Variants in MICU1 observed in about 807,000 individuals in gnomAD.
MICU1 encodes the protein calcium uptake protein 1, mitochondrial.
A neutral mutation model predicts 56.8 loss-of-function variants in MICU1; 45 were observed. The observed-to-expected ratio is 0.79, with a 90% confidence interval of 0.62 to 1.02. MICU1 has a LOEUF of 1.02. Ranked by LOEUF, MICU1 falls within the 50% of genes least tolerant of loss-of-function variation. The pLI is 0.00. For missense variants in MICU1, 504 were observed against 587.1 expected, an observed-to-expected ratio of 0.86 and a Z score of 1.46; for synonymous variants, 186 against 195.1, an observed-to-expected ratio of 0.95 and a Z score of 0.39.
chr10:72,479,847 C>A (rs1242262110), intron 6 of MICU1, among the ~76,000 whole-genome samples: 1 of 152,162 alleles, frequency 6.6e-6, no homozygotes, highest in African/African-American at 2.4e-5. Flanking sequence ...GTTTTTTAAA[C>A]TTCTGATTAT....
chr10:72,594,964 ACAT>A (rs2132535038), intron 1 of MICU1, among the ~76,000 whole-genome samples: 1 of 151,854 alleles, frequency 6.6e-6, no homozygotes, highest in East Asian at 1.9e-4. Flanking sequence ...AAATGAGAAA[ACAT>A]CAAAAAGAAA....
At chr10:72,573,307 CAAAAAAAAAAAAAA>C (rs58866778) in intron 1 of MICU1, among the ~76,000 whole-genome samples, 2 of 21,040 alleles carry the variant, frequency 9.5e-5, no homozygotes, top group Admixed American at 6.6e-4. Flanking sequence ...CCCATCACTA[CAAAAAAAAAAAAAA>C]AAAAAAAAAA....
chr10:72,612,780 G>T (rs1841884860), intron 1 of MICU1, among the ~76,000 whole-genome samples: 1 of 150,986 alleles, frequency 6.6e-6, no homozygotes, highest in African/African-American at 2.4e-5. Context: ...TAGCCTGGGT[G>T]ACAGAGTGAG....
Position 72,574,556 on chromosome 10 carries a change from A to T in MICU1, c.-1-7762T>A, listed in dbSNP as rs139898482. The stretch of plus-strand genomic sequence containing the variant: ...ATAAAATAAAAAATAAAGATGGGGA[A>T]ATAATGAGATAATAATGATAATAAT... On this transcript the variant is annotated intron_variant, in intron 1 of 11. Coordinates refer to ENST00000361114, the MANE Select transcript of MICU1 (RefSeq NM_001195518.2). Among the ~76,000 whole-genome samples, 565 of 152,272 alleles carry T rather than the reference A, an allele frequency of 3.7e-3. 3 individuals are homozygous for T. The highest frequency in any genetic ancestry group is 0.013 in the African/African-American group (534 of 41,568).
intron 10 of MICU1, among the ~76,000 whole-genome samples, chr10:72,401,684 C>T (rs1863460833): frequency 6.6e-6 from 1 of 152,044 alleles, no homozygotes; most frequent in Non-Finnish European, 1.5e-5. Context: ...AAAACATTTC[C>T]ATCACTTCAC....
chr10:72,609,875 A>T (rs1841794967), intron 1 of MICU1, among the ~76,000 whole-genome samples: 2 of 151,958 alleles, frequency 1.3e-5, no homozygotes, highest in South Asian at 4.2e-4. Flanking sequence ...CTCTACTAAA[A>T]ATACAAAAAA....
chr10:72,531,790 T>G (rs985194753), intron 5 of MICU1: 9 of 151,516 alleles, frequency 5.9e-5, no homozygotes, highest in African/African-American at 2.2e-4. Context: ...CAGTTACAAT[T>G]ATCAAGCGAA....
At chr10:72,540,535 G>A (rs1460320457) in intron 4 of MICU1, among the ~76,000 whole-genome samples, 2 of 152,062 alleles carry the variant, frequency 1.3e-5, no homozygotes, top group African/African-American at 4.8e-5. Context: ...AATTAGCTTG[G>A]TGTGACGGTA....
At chr10:72,441,145 C>T (rs1437366387) in intron 8 of MICU1, among the ~76,000 whole-genome samples, 1 of 152,080 alleles carries the variant, frequency 6.6e-6, no homozygotes, top group Non-Finnish European at 1.5e-5. Flanking sequence ...GACTTGGAAC[C>T]AACCCAAATG....
chr10:72,417,435 C>T (rs1027412349), intron 9 of MICU1, among the ~76,000 whole-genome samples: 2 of 133,906 alleles, frequency 1.5e-5, no homozygotes, highest in Non-Finnish European at 3.0e-5. Context: ...GCCTAGACAA[C>T]AGAGCAAGAC....
chr10:72,558,540 G>C (rs1371878270), intron 3 of MICU1, among the ~76,000 whole-genome samples: 1 of 152,142 alleles, frequency 6.6e-6, no homozygotes, highest in Non-Finnish European at 1.5e-5. Context: ...GACCATGAAA[G>C]GAGGGTAAAG....
At chr10:72,458,627 T>C (rs1564881782) in intron 8 of MICU1, among the ~76,000 whole-genome samples, 4 of 151,798 alleles carry the variant, frequency 2.6e-5, no homozygotes, top group African/African-American at 9.7e-5. Flanking sequence ...TGCCAGGAAG[T>C]ATAGGTCAAT....
intron 5 of MICU1, chr10:72,523,879 G>T (rs1464726542): frequency 6.6e-7 from 1 of 1,518,602 alleles, no homozygotes; most frequent in Non-Finnish European, 8.8e-7. Flanking sequence ...CAAATATTTA[G>T]TTGCTTTTCC....
intron 6 of MICU1, among the ~76,000 whole-genome samples, chr10:72,491,640 G>A (rs549711599): frequency 1.3e-5 from 2 of 152,074 alleles, no homozygotes; most frequent in South Asian, 2.1e-4. Flanking sequence ...CTTCAGGCCC[G>A]GAGTTCGAGA....
intron 8 of MICU1, among the ~76,000 whole-genome samples, chr10:72,427,888 T>G (rs998867701): frequency 2.0e-5 from 3 of 151,990 alleles, no homozygotes; most frequent in African/African-American, 4.8e-5. Context: ...GCTTTTGAGG[T>G]CCTAACCATG....
intron 8 of MICU1, among the ~76,000 whole-genome samples, chr10:72,443,498 T>C (rs1865007309): frequency 6.6e-6 from 1 of 152,168 alleles, no homozygotes; most frequent in African/African-American, 2.4e-5. Flanking sequence ...GTTTTTATGG[T>C]TTTAGGTCTA....
intron 1 of MICU1, among the ~76,000 whole-genome samples, chr10:72,613,604 T>C (rs1841908141): frequency 6.6e-6 from 1 of 152,098 alleles, no homozygotes; most frequent in Non-Finnish European, 1.5e-5. Context: ...AATATTCTCC[T>C]ACACAACTAC....
intron 8 of MICU1, among the ~76,000 whole-genome samples, chr10:72,474,730 G>A (rs951247126): frequency 2.0e-5 from 3 of 152,060 alleles, no homozygotes; most frequent in South Asian, 2.1e-4. Context: ...TACTACCTTT[G>A]CAATTATCCA....
Position 72,601,684 on chromosome 10 carries a change from T to C in MICU1, c.-2+24326A>G, listed in dbSNP as rs115955480. Among the ~76,000 whole-genome samples, 325 of 152,142 alleles carry C rather than the reference T, an allele frequency of 2.1e-3. 1 individual carries two copies. The highest frequency in any genetic ancestry group is 7.0e-3 in the African/African-American group (291 of 41,538). ...GAGTCCTCATAAGGAAATGAGGAGC[T>C]GAAGAAACAAGAAAGCGTGTGTATT... On this transcript the variant is annotated intron_variant, in intron 1 of 11. Coordinates refer to ENST00000361114, the MANE Select transcript of MICU1 (RefSeq NM_001195518.2).
Sources: allele counts gnomAD v4.1 joint callset (sites outside exome capture counted in the v4.1 genomes callset), GRCh38; gene constraint gnomAD v4.1.1; transcripts MANE v1.5; gene names NCBI Gene and HGNC (gene_info 2026-07-23, HGNC 2026-07-21).